Variants in SH3GLB2 observed in about 807,000 individuals in gnomAD.
The protein encoded by SH3GLB2 is SH3 domain containing GRB2 like, endophilin B2.
A neutral mutation model predicts 48.0 loss-of-function variants in SH3GLB2; 24 were observed. The observed-to-expected ratio is 0.50, with a 90% CI of 0.36 to 0.70. The LOEUF is 0.70. Ranked by LOEUF, SH3GLB2 falls within the 30% of genes least tolerant of loss-of-function variation. The pLI is 0.00. For synonymous variants in SH3GLB2, 227 were observed against 207.6 expected (o/e 1.09, Z -0.80); for missense variants, 425 against 516.0 (o/e 0.82, Z 1.71).
At chr9:129,017,641 C>T (rs1843511027) in intron 3 of SH3GLB2, among the ~76,000 whole-genome samples, 1 of 151,880 alleles carries the variant, frequency 6.6e-6, no homozygotes, top group African/African-American at 2.4e-5. Context: ...TGGCTCACAC[C>T]TGTAATCCCA....
chr9:129,010,003 C>T, intron 8 of SH3GLB2, 117 bp downstream of exon 8: 1 of 1,368,680 alleles, frequency 7.3e-7, no homozygotes, highest in South Asian at 1.2e-5. Context: ...CCACACCCTC[C>T]CCGGTGGGAC....
In SH3GLB2 at chr9:129,021,277, A is replaced by T. The variant is rs1053226648; in HGVS notation, c.206-58T>A. On this transcript the variant is annotated intron_variant, in intron 2 of 10. Transcript: ENST00000372564. The stretch of plus-strand genomic sequence containing the variant: ...TCCTTAGTTCAAGCCCAAAAATGAA[A>T]CAGAAACAGACCCAGACCCGGCCCT... 63 of 1,521,500 alleles carry T rather than the reference A, an allele frequency of 4.1e-5. No individual in the cohort carries two copies. The African/African-American group carries it at 6.8e-4, about 16-fold the overall frequency. 94.2% of individuals were successfully genotyped at this position (1,521,500 alleles called of 1,614,324 possible).
intron 3 of SH3GLB2, among the ~76,000 whole-genome samples, chr9:129,020,287 G>T (rs1323824678): frequency 7.2e-6 from 1 of 139,054 alleles, no homozygotes; most frequent in Non-Finnish European, 1.6e-5. Flanking sequence ...CACACAAATA[G>T]GCCAGGTGCG....
chr9:129,021,535 A>G (rs1228887870), intron 2 of SH3GLB2, among the ~76,000 whole-genome samples: 2 of 151,988 alleles, frequency 1.3e-5, no homozygotes, highest in African/African-American at 2.4e-5. Context: ...ACAGGCAGAC[A>G]CACAGCACGA....
intron 1 of SH3GLB2, among the ~76,000 whole-genome samples, chr9:129,022,830 G>C (rs1843894589): frequency 6.6e-6 from 1 of 152,208 alleles, no homozygotes; most frequent in African/African-American, 2.4e-5. Flanking sequence ...AGGGAGTAGG[G>C]TCTGGGGTTA....
At chr9:129,009,517 A>AC (rs1395791094) in intron 9 of SH3GLB2, 171 bp from the exon 10 acceptor site, 1 of 1,547,868 alleles carries the variant, frequency 6.5e-7, no homozygotes. Flanking sequence ...AGATGGCCCC[A>AC]CCCCCTGGTC....
At chr9:129,028,036 C>T in intron 1 of SH3GLB2, 56 bp downstream of exon 1, 2 of 1,471,334 alleles carry the variant, frequency 1.4e-6, no homozygotes, top group Non-Finnish European at 1.8e-6. Flanking sequence ...CCGCAGGGTG[C>T]TCCCCGCCCG....
chr9:129,028,295 C>G lies in SH3GLB2; in HGVS notation c.-141G>C. On this transcript the variant is annotated 5_prime_UTR_variant, in exon 1 of 11. Coordinates refer to ENST00000372564, the MANE Select transcript of SH3GLB2 (RefSeq NM_020145.4). ...CCGCCTGCCGGCCTGCCCGCCTGCC[C>G]GCCCGCCGCAGCCGCCGAGCCAGCC... The G allele has an allele frequency of 4.4e-6, 2 of 458,488 alleles. No homozygotes were observed. Among genetic ancestry groups the G allele is most frequent in the African/African-American group, 2.1e-5 (1 of 46,606 alleles). 28.4% of individuals were successfully genotyped at this position (458,488 alleles called of 1,614,324 possible).
In SH3GLB2 at chr9:129,017,244, C is replaced by G. The variant is rs141414307; in HGVS notation, c.335-2340G>C. 5.2e-4 allele frequency among the ~76,000 whole-genome samples: 79 copies of G among 152,090 alleles called. 1 individual carries two copies. In the East Asian group the frequency reaches 0.011, roughly 21 times the overall value. On this transcript the variant is annotated intron_variant, in intron 3 of 10. Transcript: ENST00000372564. ...GGATTACAGGTGTGAGCCACCATGC[C>G]CAGCCTCAATAGTCTACTCTTGATA...
intron 9 of SH3GLB2, 137 bp from the exon 10 acceptor site, chr9:129,009,483 G>T: frequency 6.5e-7 from 1 of 1,549,106 alleles, no homozygotes; most frequent in East Asian, 2.4e-5. Context: ...AGCACAAAGG[G>T]AAAAGCAAAG....
rs1175321058 is a variant in SH3GLB2 at position 129,014,387 on chromosome 9, C to A, written c.561+24G>T. ...TCCAGCCAGAGCCTGGGCCAGGAGG[C>A]CAGCGGGGAGCGGGGACACCTACCG... On this transcript the variant is annotated intron_variant, in intron 5 of 10. Coordinates refer to ENST00000372564, the MANE Select transcript of SH3GLB2 (RefSeq NM_020145.4). The surrounding 1 kb of genome is among the most constrained non-coding windows in gnomAD (Gnocchi z 4.1). 1 of 1,547,962 alleles carries A rather than the reference C, an allele frequency of 6.5e-7. No individual in the cohort carries two copies. Among genetic ancestry groups the A allele is most frequent in the East Asian group, 2.4e-5 (1 of 40,900 alleles).
In SH3GLB2 at chr9:129,008,363, G is replaced by A. The variant is rs573918565; in HGVS notation, c.*321C>T. On this transcript the variant is annotated 3_prime_UTR_variant, in exon 11 of 11. Coordinates refer to ENST00000372564, the MANE Select transcript of SH3GLB2 (RefSeq NM_020145.4). ...CCTGGGGCTTCCTGAGCCCATCTGC[G>A]GCGGCCCCACCCTGGCCTAGGTGCT... 2.5e-5 allele frequency: 8 copies of A among 316,632 alleles called. No individual in the cohort carries two copies. Among genetic ancestry groups the A allele is most frequent in the African/African-American group, 4.3e-5 (2 of 46,330 alleles). The allele number at this position is 316,632 out of a possible 1,614,324, so 19.6% of individuals were successfully genotyped here. A position where few individuals can be genotyped will look rare whatever the true frequency, so the allele number is the denominator to read the frequency against.
At chr9:129,018,514 T>C (rs917919908) in intron 3 of SH3GLB2, among the ~76,000 whole-genome samples, 3 of 150,900 alleles carry the variant, frequency 2.0e-5, no homozygotes, top group African/African-American at 7.4e-5. Context: ...GAGGCGGAGG[T>C]TGCAGTGAGC....
Position 129,008,478 on chromosome 9 carries a change from A to G in SH3GLB2, c.*206T>C. The G allele has an allele frequency of 3.8e-6, 2 of 531,176 alleles. No individual in the cohort carries two copies. The highest frequency in any genetic ancestry group is 6.9e-6 in the Non-Finnish European group (2 of 291,518). The allele number at this position is 531,176 out of a possible 1,614,324, so 32.9% of individuals were successfully genotyped here. On this transcript the variant is annotated 3_prime_UTR_variant, in exon 11 of 11. Transcript: ENST00000372564. ...ATGCAGGCAGGGGCAGGGGCTCCAG[A>G]GCCACAGGTCAGAAGCAGGGCTGGG...
intron 8 of SH3GLB2, 114 bp downstream of exon 8, chr9:129,010,006 G>A (rs539595913): frequency 1.5e-5 from 20 of 1,369,454 alleles, no homozygotes; most frequent in Admixed American, 5.3e-5. Flanking sequence ...CACCCTCCCC[G>A]GTGGGACTTG....
Position 129,014,391 on chromosome 9 carries a change from C to A in SH3GLB2, c.561+20G>T. On this transcript the variant is annotated intron_variant, in intron 5 of 10. Transcript: ENST00000372564. This position sits in a 1 kb window ranked among gnomAD's most constrained non-coding sequence, Gnocchi z 4.1. ...GCCAGAGCCTGGGCCAGGAGGCCAG[C>A]GGGGAGCGGGGACACCTACCGTGGC... The A allele has an allele frequency of 6.5e-7, 1 of 1,548,120 alleles. No homozygotes were observed.
chr9:129,010,790 TCTGCCCCC>T, intron 6 of SH3GLB2, 97 bp from the exon 7 acceptor site: 5 of 1,465,474 alleles, frequency 3.4e-6, no homozygotes, highest in African/African-American at 2.8e-5. Context: ...AGACTCAACT[TCTGCCCCC>T]CTGCCCCTCT....
At position 129,012,258 on chromosome 9, in the gene SH3GLB2, A is replaced by T. The variant is rs148878350; in HGVS notation, c.602T>A (p.Ile201Asn). 54 of 1,296,034 alleles carry T rather than the reference A, an allele frequency of 4.2e-5. No homozygotes were observed. Among genetic ancestry groups the T allele is most frequent in the South Asian group, 2.5e-4 (8 of 31,684 alleles). 80.3% of individuals were successfully genotyped at this position (1,296,034 alleles called of 1,614,324 possible). A position where few individuals can be genotyped will look rare whatever the true frequency, so the allele number is the denominator to read the frequency against. ...DFQETRPRNY[I>N]LSASASALWN... Reference sequence around the variant, plus strand: ...TACCGCGGAGGCGCTGGCCGAGAGAATGTAATTACGAGGTCTAGTCTCCTG... The same window carrying T: ...TACCGCGGAGGCGCTGGCCGAGAGATTGTAATTACGAGGTCTAGTCTCCTG... Residue 201 changes from isoleucine (I) to asparagine (N), a missense_variant, in exon 6 of 11, where the codon ATT becomes AAT. By Grantham distance (149) the Ile-to-Asn change is moderately radical. Transcript: ENST00000372564.
chr9:129,022,681 C>T (rs1458354848), intron 1 of SH3GLB2, among the ~76,000 whole-genome samples: 1 of 152,212 alleles, frequency 6.6e-6, no homozygotes, highest in East Asian at 1.9e-4. Context: ...ACACTCTCTC[C>T]CCACAAAAAT....
Sources: allele counts gnomAD v4.1 joint callset (sites outside exome capture counted in the v4.1 genomes callset), GRCh38; gene constraint gnomAD v4.1.1; non-coding constraint Gnocchi (gnomAD v3.1); transcripts MANE v1.5; gene names NCBI Gene and HGNC (gene_info 2026-07-23, HGNC 2026-07-21).